CCDC178: variants seen among roughly 807,000 people sequenced by gnomAD.
CCDC178 encodes the protein coiled-coil domain containing 178, also known as coiled-coil domain-containing protein 178.
A neutral mutation model predicts 117.4 loss-of-function variants in CCDC178; 126 were observed. The ratio of observed to expected loss-of-function variants is 1.07; its 90% CI spans 0.93 to 1.24. The LOEUF is 1.24. Among genes scored for constraint, CCDC178 ranks in the 50% most tolerant of loss-of-function variants. The pLI is 0.00. For missense variants in CCDC178, 1,030 were observed against 986.9 expected (o/e 1.04, Z -0.59); for synonymous variants, 283 against 313.4 (o/e 0.90, Z 1.02).
At chr18:33,042,301 C>A (rs2056563552) in intron 21 of CCDC178, among the ~76,000 whole-genome samples, 1 of 151,788 alleles carries the variant, frequency 6.6e-6, no homozygotes, top group South Asian at 2.1e-4. Flanking sequence ...GGTATTCCTG[C>A]CAAAAATATT....
chr18:32,941,541 A>G (rs567085483), intron 22 of CCDC178, among the ~76,000 whole-genome samples: 1 of 152,174 alleles, frequency 6.6e-6, no homozygotes, highest in Non-Finnish European at 1.5e-5. Flanking sequence ...ATTACTTTTC[A>G]TCAAGAAATC....
chr18:33,076,950 T>C (rs1321548896), intron 21 of CCDC178, among the ~76,000 whole-genome samples: 1 of 152,196 alleles, frequency 6.6e-6, no homozygotes, highest in Non-Finnish European at 1.5e-5. Flanking sequence ...GGGAGTGGAT[T>C]TTAAAGTTCT....
intron 21 of CCDC178, among the ~76,000 whole-genome samples, chr18:33,008,782 C>T (rs1482601149): frequency 1.3e-5 from 2 of 151,960 alleles, no homozygotes; most frequent in African/African-American, 4.8e-5. Context: ...CCTGAGATTA[C>T]CTCATTTAGT....
intron 14 of CCDC178, among the ~76,000 whole-genome samples, chr18:33,248,845 G>A (rs894898681): frequency 6.6e-6 from 1 of 152,084 alleles, no homozygotes; most frequent in African/African-American, 2.4e-5. Context: ...TCGCCACACT[G>A]TCTTCCACAA....
chr18:33,155,065 T>C (rs1462630047), intron 20 of CCDC178, among the ~76,000 whole-genome samples: 1 of 152,120 alleles, frequency 6.6e-6, no homozygotes, highest in Non-Finnish European at 1.5e-5. Flanking sequence ...TTGCAGAATA[T>C]ACATCCTTTT....
intron 14 of CCDC178, among the ~76,000 whole-genome samples, chr18:33,253,017 G>C (rs1411675916): frequency 6.6e-6 from 1 of 151,718 alleles, no homozygotes; most frequent in Admixed American, 6.6e-5. Context: ...TTAGGTTTTT[G>C]AACCCTGCCT....
chr18:33,279,849 G>A (rs1488510887), intron 12 of CCDC178, among the ~76,000 whole-genome samples: 1 of 152,068 alleles, frequency 6.6e-6, no homozygotes, highest in Non-Finnish European at 1.5e-5. Context: ...CAAGCAATGG[G>A]GAAAGGATTC....
At chr18:33,141,979 A>T (rs192974145) in intron 20 of CCDC178, among the ~76,000 whole-genome samples, 5 of 152,284 alleles carry the variant, frequency 3.3e-5, no homozygotes, top group Admixed American at 1.3e-4. Context: ...TTATTGACCC[A>T]CTGTACCAAC....
chr18:33,389,041 C>A (rs539882817), intron 5 of CCDC178, among the ~76,000 whole-genome samples: 28 of 152,024 alleles, frequency 1.8e-4, no homozygotes, highest in African/African-American at 6.8e-4. Flanking sequence ...GCATGTTGGG[C>A]TTAATACTTA....
At chr18:33,281,654 G>C (rs1419674761) in intron 12 of CCDC178, among the ~76,000 whole-genome samples, 1 of 152,104 alleles carries the variant, frequency 6.6e-6, no homozygotes, top group Admixed American at 6.6e-5. Flanking sequence ...AAAGTGAATG[G>C]GAAAAGGGTA....
At chr18:33,251,895 G>A (rs766677730) in intron 14 of CCDC178, among the ~76,000 whole-genome samples, 16 of 151,730 alleles carry the variant, frequency 1.1e-4, no homozygotes, top group Non-Finnish European at 2.2e-4. Flanking sequence ...TTTAGTTAGG[G>A]ATAGGGCTTT....
In CCDC178 at chr18:33,288,227, C is replaced by T. The variant is rs2060123248; in HGVS notation, c.1176+4932G>A. Among the ~76,000 whole-genome samples the T allele has an allele frequency of 1.4e-5, 2 of 146,518 alleles. 1 individual carries two copies. The highest frequency in any genetic ancestry group is 4.1e-4 in the East Asian group (2 of 4,862). ...TCCCTACCTCCCTCCTCCTCTCCTC[C>T]TCCTCCCCTCCGCTCCCCTCCTCTC... On this transcript the variant is annotated intron_variant, in intron 12 of 22. Transcript: ENST00000383096.
intron 20 of CCDC178, among the ~76,000 whole-genome samples, chr18:33,176,761 C>G (rs2058668978): frequency 1.3e-5 from 2 of 152,092 alleles, no homozygotes; most frequent in South Asian, 4.1e-4. Flanking sequence ...CTCAAGCAAT[C>G]TACAAAATTC....
intron 20 of CCDC178, among the ~76,000 whole-genome samples, chr18:33,110,758 T>C (rs1172571352): frequency 6.6e-6 from 1 of 151,668 alleles, no homozygotes; most frequent in African/African-American, 2.4e-5. Flanking sequence ...ATCTCTATTC[T>C]GTCTGTTGTT....
At chr18:32,960,882 A>C (rs527642598) in intron 22 of CCDC178, among the ~76,000 whole-genome samples, 43 of 152,138 alleles carry the variant, frequency 2.8e-4, no homozygotes, top group Non-Finnish European at 6.0e-4. Context: ...TTTAATTTTC[A>C]AATATTTAAG....
chr18:33,245,415 AT>A lies in CCDC178; in HGVS notation c.1422del (p.Lys474AsnfsTer8), dbSNP rs2059538613. ...TVKTNESIRK[K>X]SKYESEIKYL... ...TATTTTATTTCAGATTCGTATTTTGATTTTTTCCGTATGCTGTAAAAGTAAA... is the reference window on the plus strand; with the variant it reads ...TATTTTATTTCAGATTCGTATTTTGATTTTTCCGTATGCTGTAAAAGTAAA... On this transcript the variant is annotated frameshift_variant, in exon 15 of 23. Transcript: ENST00000383096. LOFTEE classifies it high-confidence loss of function. 4 of 1,558,704 alleles carry A rather than the reference AT, an allele frequency of 2.6e-6. No homozygotes were observed. The highest frequency in any genetic ancestry group is 2.5e-5 in the South Asian group (2 of 81,264).
Position 33,375,210 on chromosome 18 carries a change from TA to T in CCDC178, c.209-5022del, listed in dbSNP as rs1329214341. Among the ~76,000 whole-genome samples the T allele has an allele frequency of 4.6e-5, 7 of 152,214 alleles. No homozygotes were observed. In the South Asian group the frequency reaches 8.3e-4, roughly 18 times the overall value. On this transcript the variant is annotated intron_variant, in intron 5 of 22. Coordinates refer to ENST00000383096, the MANE Select transcript of CCDC178 (RefSeq NM_001105528.4). ...GTTCTCCTACTTTAACTTTTTATAC[TA>T]AAAAACATTGTAGACAGTCCTTCCT...
intron 12 of CCDC178, among the ~76,000 whole-genome samples, chr18:33,276,161 A>T (rs2059948552): frequency 6.6e-6 from 1 of 152,128 alleles, no homozygotes; most frequent in Non-Finnish European, 1.5e-5. Context: ...TGCATTGTCT[A>T]CTAAAGCTGA....
At chr18:33,429,007 T>C (rs1306642361) in intron 2 of CCDC178, among the ~76,000 whole-genome samples, 2 of 115,518 alleles carry the variant, frequency 1.7e-5, no homozygotes, top group Non-Finnish European at 3.5e-5. Context: ...CAAAATCAAA[T>C]AGATTAAAAG....
Sources: allele counts gnomAD v4.1 joint callset (sites outside exome capture counted in the v4.1 genomes callset), GRCh38; gene constraint gnomAD v4.1.1; transcripts MANE v1.5; gene names NCBI Gene and HGNC (gene_info 2026-07-23, HGNC 2026-07-21).